The following LMF1 variants were observed in gnomAD, a reference collection of about 807,000 sequenced individuals.
LMF1 encodes the protein lipase maturation factor 1.
Under a neutral mutation model 60.6 loss-of-function variants are expected in LMF1, and 68 were observed. The ratio of observed to expected loss-of-function variants is 1.12; its 90% CI spans 0.92 to 1.37. The LOEUF is 1.37. Ranked by LOEUF, LMF1 falls within the 40% of genes most tolerant of loss-of-function variation. The pLI, the probability that LMF1 is intolerant of heterozygous loss-of-function variation, is 0.00. For missense variants in LMF1, 948 were observed against 767.2 expected (o/e 1.24, Z -2.78); for synonymous variants, 418 against 324.7 (o/e 1.29, Z -3.09).
Position 870,175 on chromosome 16 carries a change from G to T in LMF1, c.1233-109C>A, listed in dbSNP as rs1214919411. ...CTGTCCATCCTGGCCCAGGGGGAGGGCTACAGCCTCCACCTGCCTCCTGGT... is the reference window on the plus strand; with the variant it reads ...CTGTCCATCCTGGCCCAGGGGGAGGTCTACAGCCTCCACCTGCCTCCTGGT... On this transcript the variant is annotated intron_variant, in intron 8 of 10. Coordinates refer to ENST00000262301, the MANE Select transcript of LMF1 (RefSeq NM_022773.4). The T allele has an allele frequency of 4.0e-6, 5 of 1,248,350 alleles. No homozygotes were observed. In the Admixed American group the frequency reaches 8.7e-5, roughly 22 times the overall value. The allele number at this position is 1,248,350 out of a possible 1,614,324, so 77.3% of individuals were successfully genotyped here.
rs2070408512 is a variant in LMF1 at position 889,350 on chromosome 16, G to C, written c.729+3657C>G. ...GAAAAAAGCGGTGAGTGTGGGGTGT[G>C]AGGCTGCGGATGGCCATGGGTGTGA... On this transcript the variant is annotated intron_variant, in intron 5 of 10. Coordinates refer to ENST00000262301, the MANE Select transcript of LMF1 (RefSeq NM_022773.4). Among the ~76,000 whole-genome samples, 3 of 146,640 alleles carry C rather than the reference G, an allele frequency of 2.0e-5. No individual in the cohort carries two copies. In the South Asian group the frequency reaches 6.3e-4, roughly 31 times the overall value.
intron 3 of LMF1, among the ~76,000 whole-genome samples, chr16:914,637 C>A: frequency 3.1e-4 from 1 of 3,216 alleles, no homozygotes; most frequent in African/African-American, 1.2e-3. Flanking sequence ...TGGTGACACA[C>A]TCCCTCCCTC....
intron 1 of LMF1, among the ~76,000 whole-genome samples, chr16:965,236 GGA>G (rs2151490968): frequency 6.6e-6 from 1 of 152,338 alleles, no homozygotes; most frequent in East Asian, 1.9e-4. Flanking sequence ...TCAGCTTCAT[GGA>G]GAGACTTTCC....
At position 868,956 on chromosome 16, in the gene LMF1, C is replaced by G. The variant is rs1419940608; in HGVS notation, c.1517G>C (p.Arg506Thr). 3 of 1,610,120 alleles carry G rather than the reference C, an allele frequency of 1.9e-6. No individual in the cohort carries two copies. The highest frequency in any genetic ancestry group is 2.5e-6 in the Non-Finnish European group (3 of 1,178,336). The change falls in exon 10 of 11, where the codon AGG becomes ACG. Residue 506 changes from arginine to threonine, a missense_variant. By Grantham distance (71) the Arg-to-Thr change is moderately conservative (BLOSUM62 -1). Coordinates refer to ENST00000262301, the MANE Select transcript of LMF1 (RefSeq NM_022773.4). ...GAGGGCATCCTACCTGGGCGGGGGCCTGCCCGCGAAGGGGTTGTGTGCCAG... is the reference window on the plus strand; with the variant it reads ...GAGGGCATCCTACCTGGGCGGGGGCGTGCCCGCGAAGGGGTTGTGTGCCAG... The part of the protein sequence containing the change: ...SLLAHNPFAG[R>T]PPPRWVRGEH...
chr16:862,136 C>A (rs993019398), intron 10 of LMF1, among the ~76,000 whole-genome samples: 6 of 151,888 alleles, frequency 4.0e-5, no homozygotes, highest in African/African-American at 1.5e-4. Flanking sequence ...TTGGTCATGG[C>A]ATAGAATTCT....
chr16:856,592 G>A (rs1271695004), intron 10 of LMF1, among the ~76,000 whole-genome samples: 3 of 152,338 alleles, frequency 2.0e-5, no homozygotes, highest in African/African-American at 7.2e-5. Context: ...CCAGGACAGG[G>A]TCAAGGCCTA....
chr16:970,984 C>T lies in LMF1; in HGVS notation c.-4G>A. ...TTGTTGGGCTGTCAGGGCGCATGTG[C>T]GGGGAGGGCGCACTCCCGGAGGCCC... On this transcript the variant is annotated 5_prime_UTR_variant, in exon 1 of 11. Coordinates refer to ENST00000262301, the MANE Select transcript of LMF1 (RefSeq NM_022773.4). 1 of 1,481,442 alleles carries T rather than the reference C, an allele frequency of 6.8e-7. No homozygotes were observed. The highest frequency in any genetic ancestry group is 1.3e-5 in the South Asian group (1 of 74,752). The allele number at this position is 1,481,442 out of a possible 1,614,324, so 91.8% of individuals were successfully genotyped here.
At chr16:909,869 C>A (rs4984977) in intron 4 of LMF1, among the ~76,000 whole-genome samples, 32 of 152,164 alleles carry the variant, frequency 2.1e-4, no homozygotes, top group Admixed American at 5.2e-4. Context: ...GCCGAGACGG[C>A]GGCACACTCT....
intron 10 of LMF1, chr16:855,250 C>T (rs1467394555): frequency 8.1e-6 from 2 of 246,846 alleles, no homozygotes; most frequent in Admixed American, 5.1e-5. Context: ...CCCAGGGCTT[C>T]AGGCCCTTCC....
Position 870,817 on chromosome 16 carries a change from C to T in LMF1, c.1144G>A (p.Val382Met), listed in dbSNP as rs370036895. ...CTGGAGCTCAGCAAGTTGAGGACCA[C>T]GGGCACGCTGAGCCAGGCCAGCAGG... ...GVLLAWLSVP[V>M]VLNLLSSRQV... Residue 382 changes from valine (V) to methionine (M), a missense_variant, in exon 8 of 11, where the codon GTG (valine) becomes ATG (methionine). Coordinates refer to ENST00000262301, the MANE Select transcript of LMF1 (RefSeq NM_022773.4). The T allele has an allele frequency of 7.0e-5, 113 of 1,612,594 alleles. No individual in the cohort carries two copies. The highest frequency in any genetic ancestry group is 3.5e-4 in the South Asian group (32 of 91,082).
chr16:915,825 GC>G (rs755958048), intron 3 of LMF1, among the ~76,000 whole-genome samples: 12 of 152,050 alleles, frequency 7.9e-5, no homozygotes, highest in Non-Finnish European at 1.5e-4. Context: ...ATCACCGGGG[GC>G]CGGAGCAGGT....
intron 1 of LMF1, chr16:976,777 C>G (rs867557989): frequency 8.8e-6 from 4 of 454,148 alleles, no homozygotes; most frequent in South Asian, 6.2e-5. Context: ...TGGGCGTGCA[C>G]CTGTCACTGG....
intron 2 of LMF1, among the ~76,000 whole-genome samples, chr16:943,923 T>C (rs542573846): frequency 3.3e-5 from 5 of 152,276 alleles, no homozygotes; most frequent in African/African-American, 9.6e-5. Flanking sequence ...CTGATTCTAG[T>C]TGACATTATG....
At chr16:932,238 G>A (rs1416699315) in intron 3 of LMF1, among the ~76,000 whole-genome samples, 1 of 152,240 alleles carries the variant, frequency 6.6e-6, no homozygotes, top group Non-Finnish European at 1.5e-5. Flanking sequence ...GGGGCACGGG[G>A]AGGGTGGGCT....
chr16:906,782 G>A (rs1046639870), intron 4 of LMF1, among the ~76,000 whole-genome samples: 3 of 152,184 alleles, frequency 2.0e-5, no homozygotes, highest in Admixed American at 2.0e-4. Flanking sequence ...TTTTGGCTAT[G>A]TAGGTCCTTG....
chr16:875,929 G>A (rs114046591), intron 6 of LMF1, among the ~76,000 whole-genome samples: 25 of 152,302 alleles, frequency 1.6e-4, no homozygotes, highest in Middle Eastern at 6.8e-3. Context: ...GACGGCTCAG[G>A]AGTCACCCGT....
intron 2 of LMF1, among the ~76,000 whole-genome samples, chr16:945,737 A>T (rs2072222533): frequency 1.3e-5 from 2 of 152,196 alleles, no homozygotes; most frequent in Non-Finnish European, 2.9e-5. Flanking sequence ...ATCTATTTGG[A>T]GAAGTAGAAG....
rs946584037 is a variant in LMF1, at chr16:918,973, G to A, written c.515-7894C>T. Reference sequence around the variant, plus strand: ...TCACTCCCGAGTAGCGGTGGGACGAGCTCTCGGCACCTGCTCCTCCCACGG... The same window carrying A: ...TCACTCCCGAGTAGCGGTGGGACGAACTCTCGGCACCTGCTCCTCCCACGG... On this transcript the variant is annotated intron_variant, in intron 3 of 10. Coordinates refer to ENST00000262301, the MANE Select transcript of LMF1 (RefSeq NM_022773.4). Among the ~76,000 whole-genome samples the A allele has an allele frequency of 3.3e-5, 5 of 152,038 alleles. No homozygotes were observed. In the East Asian group the frequency reaches 5.8e-4, roughly 18 times the overall value.
chr16:906,955 T>G (rs1377002357), intron 4 of LMF1, among the ~76,000 whole-genome samples: 1 of 152,222 alleles, frequency 6.6e-6, no homozygotes, highest in Non-Finnish European at 1.5e-5. Context: ...CTCCATTTAC[T>G]GAAGTGTTCC....
Sources: gnomAD v4.1 joint callset for allele counts (sites outside exome capture counted in the v4.1 genomes callset) on GRCh38, gnomAD v4.1.1 for gene constraint, MANE v1.5 for transcripts, NCBI Gene and HGNC (gene_info 2026-07-23, HGNC 2026-07-21) for gene names.